Variants in AKR7A2 observed in about 807,000 individuals in gnomAD.
The protein encoded by AKR7A2 is aflatoxin B1 aldehyde reductase member 2.
In AKR7A2, 29 loss-of-function variants were observed where a neutral mutation model predicts 37.3. The observed-to-expected ratio is 0.78, with a 90% CI of 0.58 to 1.06. AKR7A2 has a LOEUF of 1.06. Ranked by LOEUF, AKR7A2 falls within the 50% of genes least tolerant of loss-of-function variation. The probability of loss-of-function intolerance (pLI) is 0.00; values close to 1 mark genes in which losing one functional copy is unlikely to be tolerated. For missense variants in AKR7A2, 529 were observed against 497.9 expected (o/e 1.06, Z -0.59); for synonymous variants, 228 against 217.8 (o/e 1.05, Z -0.41).
At chr1:19,309,451 A>C (rs1022597548) in intron 1 of AKR7A2, among the ~76,000 whole-genome samples, 8 of 152,198 alleles carry the variant, frequency 5.3e-5, no homozygotes, top group Non-Finnish European at 1.2e-4. Flanking sequence ...TTGAGAGCTT[A>C]GAAGGCAAAC....
intron 5 of AKR7A2, 34 bp downstream of exon 5, chr1:19,306,968 C>G (rs2093762633): frequency 6.3e-7 from 1 of 1,595,054 alleles, no homozygotes; most frequent in Non-Finnish European, 8.6e-7. Flanking sequence ...TGACCCCACC[C>G]CAGCCATCCT....
Position 19,312,078 on chromosome 1 carries a change from C to A in AKR7A2, c.47G>T (p.Cys16Phe), listed in dbSNP as rs982784927. The change falls in exon 1 of 7, where the codon TGC becomes TTC. Residue 16 changes from cysteine (C) to phenylalanine (F), a missense_variant. Transcript: ENST00000235835. ...CTCGGGCGGCGGAGAGCGAAGCGCG[C>A]AGTGGACGGCGGCGCGGGAGACTAC... is the stretch of plus-strand genomic sequence containing the variant. Reference protein sequence around the residue: ...SRVVSRAAVHCALRSPPPEAR... With the variant: ...SRVVSRAAVHFALRSPPPEAR... 1.6e-5 allele frequency: 21 copies of A among 1,346,980 alleles called. No individual in the cohort carries two copies. The highest frequency in any genetic ancestry group is 2.0e-5 in the Non-Finnish European group (21 of 1,059,004). The allele number at this position is 1,346,980 out of a possible 1,614,324, so 83.4% of individuals were successfully genotyped here.
rs1387986769 is a variant in AKR7A2, at chr1:19,307,318, C to T, written c.684G>A (p.Leu228=). ...GGTCAGGAATGCTCCACGTACCAGC[C>T]AGAGGGTTGTAGGCATAGAACCTCA... The part of the protein sequence containing the change: ...FGLRFYAYNP[L]AGGLLTGKYK... Residue 228 remains leucine (L), a synonymous_variant, in exon 4 of 7, where the codon CTG becomes CTA. Coordinates refer to ENST00000235835, the MANE Select transcript of AKR7A2 (RefSeq NM_003689.4). 6.2e-7 allele frequency: 1 copy of T among 1,613,130 alleles called. No individual in the cohort carries two copies. The highest frequency in any genetic ancestry group is 1.7e-5 in the Admixed American group (1 of 60,002).
Position 19,307,139 on chromosome 1 carries a change from G to GC in AKR7A2, c.689-39dup, listed in dbSNP as rs1383467161. 3.1e-6 allele frequency: 5 copies of GC among 1,610,178 alleles called. No homozygotes were observed. The Admixed American group carries it at 8.3e-5, about 27-fold the overall frequency. On this transcript the variant is annotated intron_variant, in intron 4 of 6. Coordinates refer to ENST00000235835, the MANE Select transcript of AKR7A2 (RefSeq NM_003689.4). ...AGCAATCAGCCCCTGGCCCCAGAGT[G>GC]CCCCAGAAGCTGCCACATCCCTCAG...
At position 19,307,339 on chromosome 1, in the gene AKR7A2, C is replaced by A. The variant is rs746138686; in HGVS notation, c.663G>T (p.Arg221Ser). The stretch of plus-strand genomic sequence containing the variant: ...CAGCCAGAGGGTTGTAGGCATAGAA[C>A]CTCAGTCCAAAGTGCCTGAGGCAGG... ...LFPCLRHFGLRFYAYNPLAGG... is the reference protein window; with the variant it reads ...LFPCLRHFGLSFYAYNPLAGG... Residue 221 changes from arginine to serine, a missense_variant, in exon 4 of 7, where the codon AGG becomes AGT. Transcript: ENST00000235835. The A allele has an allele frequency of 6.8e-6, 11 of 1,613,742 alleles. 1 individual carries two copies. In the South Asian group the frequency reaches 1.2e-4, roughly 18 times the overall value.
chr1:19,309,156 T>C (rs1231720572), intron 1 of AKR7A2, among the ~76,000 whole-genome samples: 1 of 152,148 alleles, frequency 6.6e-6, no homozygotes, highest in African/African-American at 2.4e-5. Context: ...AAAAAAACAC[T>C]ATGTGAGGCT....
At position 19,312,134 on chromosome 1, in the gene AKR7A2, GCCTGC is replaced by G. The variant is rs775613690; in HGVS notation, c.-15_-11del. The G allele has an allele frequency of 1.6e-6, 2 of 1,267,800 alleles. No individual in the cohort carries two copies. Among genetic ancestry groups the G allele is most frequent in the South Asian group, 2.8e-5 (1 of 35,762 alleles). 78.5% of individuals were successfully genotyped at this position (1,267,800 alleles called of 1,614,324 possible). The stretch of plus-strand genomic sequence containing the variant: ...ACGCGGCACTCAGCATAGCAGCGGC[GCCTGC>G]GCGTTGGGAGCCGGGGGCCCCGCCC... On this transcript the variant is annotated 5_prime_UTR_variant, in exon 1 of 7. Coordinates refer to ENST00000235835, the MANE Select transcript of AKR7A2 (RefSeq NM_003689.4).
chr1:19,311,741 G>C, intron 1 of AKR7A2, 86 bp downstream of exon 1: 2 of 1,559,962 alleles, frequency 1.3e-6, no homozygotes, highest in Non-Finnish European at 1.7e-6. Context: ...GGTGCTGCCC[G>C]CGGCCGGGCC....
downstream of AKR7A2, among the ~76,000 whole-genome samples, chr1:19,303,321 C>T (rs2093755495): frequency 6.6e-6 from 1 of 152,146 alleles, no homozygotes; most frequent in East Asian, 1.9e-4. Flanking sequence ...GGGCCTCTTT[C>T]ATTGCTTCAA....
intron 3 of AKR7A2, 76 bp from the exon 4 acceptor site, chr1:19,307,486 T>C: frequency 6.8e-7 from 1 of 1,470,832 alleles, no homozygotes; most frequent in Non-Finnish European, 9.5e-7. Flanking sequence ...TTCAAACCTC[T>C]AAAGCAACAC....
intron 6 of AKR7A2, 27 bp from the exon 7 acceptor site, chr1:19,304,413 C>A (rs1331932935): frequency 6.2e-7 from 1 of 1,613,780 alleles, no homozygotes; most frequent in Non-Finnish European, 8.5e-7. Flanking sequence ...CAGACTTCAA[C>A]CCTCTTCTGC....
rs747522129 is a variant in AKR7A2 at position 19,308,636 on chromosome 1, A to G, written c.305T>C (p.Ile102Thr). Reference protein sequence around the residue: ...GLGGGDCRVKIATKANPWDGK... With the variant: ...GLGGGDCRVKTATKANPWDGK... ...ATCCCAAGGGTTGGCCTTGGTGGCA[A>G]TTTTCACTTGGAGAGAGAATGGAAT... The change falls in exon 2 of 7, where the codon ATT becomes ACT. Residue 102 changes from isoleucine to threonine, a missense_variant. Physicochemically the swap from Ile to Thr is moderately conservative, Grantham distance 89 (BLOSUM62 -1). Coordinates refer to ENST00000235835, the MANE Select transcript of AKR7A2 (RefSeq NM_003689.4). 31 of 1,613,898 alleles carry G rather than the reference A, an allele frequency of 1.9e-5. No individual in the cohort carries two copies. In the Admixed American group the frequency reaches 3.3e-4, roughly 17 times the overall value.
intron 6 of AKR7A2, among the ~76,000 whole-genome samples, chr1:19,304,613 C>A (rs1368478373): frequency 6.6e-6 from 1 of 152,172 alleles, no homozygotes; most frequent in East Asian, 1.9e-4. Flanking sequence ...ACATTCACAG[C>A]CCAGTTCTGC....
intron 6 of AKR7A2, 79 bp from the exon 7 acceptor site, chr1:19,304,465 G>A: frequency 6.2e-7 from 1 of 1,610,382 alleles, no homozygotes; most frequent in Non-Finnish European, 8.5e-7. Context: ...CCACCTCCCT[G>A]CTGAGATCTG....
At chr1:19,306,732 C>T (rs2093762213) in intron 5 of AKR7A2, among the ~76,000 whole-genome samples, 1 of 152,058 alleles carries the variant, frequency 6.6e-6, no homozygotes. Flanking sequence ...ATGCCTGGCC[C>T]ATCCTGGGCT....
intron 5 of AKR7A2, 48 bp from the exon 6 acceptor site, chr1:19,306,195 A>G (rs1183674748): frequency 3.1e-6 from 5 of 1,613,378 alleles, no homozygotes; most frequent in Non-Finnish European, 4.2e-6. Flanking sequence ...TGGGGGTCAC[A>G]CTGGGAGCCG....
chr1:19,305,867 C>T (rs1193656254), intron 6 of AKR7A2, 151 bp downstream of exon 6: 2 of 1,286,012 alleles, frequency 1.6e-6, no homozygotes, highest in Non-Finnish European at 2.2e-6. Flanking sequence ...CACTCAGATA[C>T]CATCAAAGAC....
In AKR7A2 at chr1:19,308,639, T is replaced by G. The variant is rs769240042; in HGVS notation, c.302A>C (p.Lys101Thr). The G allele has an allele frequency of 3.1e-6, 5 of 1,614,102 alleles. No homozygotes were observed. The South Asian group carries it at 5.5e-5, about 18-fold the overall frequency. The change falls in exon 2 of 7, where the codon AAA (lysine) becomes ACA (threonine). Residue 101 changes from lysine (K) to threonine (T), a missense_variant. By Grantham distance (78) the Lys-to-Thr change is moderately conservative. Coordinates refer to ENST00000235835, the MANE Select transcript of AKR7A2 (RefSeq NM_003689.4). ...LGLGGGDCRV[K>T]IATKANPWDG... The stretch of plus-strand genomic sequence containing the variant: ...CCAAGGGTTGGCCTTGGTGGCAATT[T>G]TCACTTGGAGAGAGAATGGAATGGT...
In AKR7A2 at chr1:19,307,150, T is replaced by C. The variant is rs1234946692; in HGVS notation, c.689-49A>G. 6 of 1,606,674 alleles carry C rather than the reference T, an allele frequency of 3.7e-6. No individual in the cohort carries two copies. The Admixed American group carries it at 6.7e-5, about 18-fold the overall frequency. Reference sequence around the variant, plus strand: ...CCTGGCCCCAGAGTGCCCCAGAAGCTGCCACATCCCTCAGGGCTCTGGTCT... The same window carrying C: ...CCTGGCCCCAGAGTGCCCCAGAAGCCGCCACATCCCTCAGGGCTCTGGTCT... On this transcript the variant is annotated intron_variant, in intron 4 of 6. Coordinates refer to ENST00000235835, the MANE Select transcript of AKR7A2 (RefSeq NM_003689.4).
Sources: allele counts gnomAD v4.1 joint callset (sites outside exome capture counted in the v4.1 genomes callset), GRCh38; gene constraint gnomAD v4.1.1; transcripts MANE v1.5; gene names NCBI Gene and HGNC (gene_info 2026-07-23, HGNC 2026-07-21).